SEC63: variants seen among roughly 807,000 people sequenced by gnomAD.
The protein encoded by SEC63 is SEC63 protein translocation regulator.
In SEC63, 56 loss-of-function variants were observed where a neutral mutation model predicts 116.2. The ratio of observed to expected loss-of-function variants is 0.48; its 90% CI spans 0.39 to 0.60. The LOEUF (loss-of-function observed/expected upper bound fraction) is 0.60, where lower values mean the gene tolerates loss of function less well. Ranked by LOEUF, SEC63 falls within the 20% of genes least tolerant of loss-of-function variation. The probability of loss-of-function intolerance (pLI) is 0.00; values close to 1 mark genes in which losing one functional copy is unlikely to be tolerated. For missense variants in SEC63, 668 were observed against 900.0 expected (o/e 0.74, Z 3.30); for synonymous variants, 273 against 294.6 (o/e 0.93, Z 0.75).
chr6:107,946,819 C>G (rs1037471443), intron 1 of SEC63, among the ~76,000 whole-genome samples: 2 of 152,098 alleles, frequency 1.3e-5, no homozygotes, highest in African/African-American at 4.8e-5. Flanking sequence ...GCCTGGCCAA[C>G]ATGGAAAAAC....
chr6:107,921,911 T>TGGGGG lies in SEC63; in HGVS notation c.340-3_340-2insCCCCC, dbSNP rs142388422. ...TTTAATTTCTGCTACTGTGGCTCCC[T>TGGGGG]GGGGAAAAACAAAAAAAAAAAACAA... On this transcript the variant is annotated splice_region_variant and splice_polypyrimidine_tract_variant and intron_variant, in intron 3 of 20. Transcript: ENST00000369002. 8 of 1,258,586 alleles carry TGGGGG rather than the reference T, an allele frequency of 6.4e-6. No individual in the cohort carries two copies. The highest frequency in any genetic ancestry group is 8.8e-6 in the Non-Finnish European group (8 of 905,814). 78.0% of individuals were successfully genotyped at this position (1,258,586 alleles called of 1,614,324 possible).
At chr6:107,940,338 G>C (rs887343964) in intron 1 of SEC63, among the ~76,000 whole-genome samples, 3 of 152,170 alleles carry the variant, frequency 2.0e-5, no homozygotes, top group Non-Finnish European at 4.4e-5. Context: ...GTACTTGACA[G>C]CAGCATACAA....
intron 1 of SEC63, among the ~76,000 whole-genome samples, chr6:107,952,054 C>T (rs998950862): frequency 2.6e-5 from 4 of 152,070 alleles, no homozygotes; most frequent in African/African-American, 9.6e-5. Context: ...AATCTAAGCC[C>T]TCCGTGTTAT....
chr6:107,944,575 T>G (rs1041461419), intron 1 of SEC63, among the ~76,000 whole-genome samples: 2 of 152,108 alleles, frequency 1.3e-5, no homozygotes, highest in Non-Finnish European at 2.9e-5. Flanking sequence ...TGTATGCCTG[T>G]AATCCCAAGT....
chr6:107,883,176 T>G (rs1384054695), intron 16 of SEC63, 30 bp from the exon 17 acceptor site: 1 of 1,609,122 alleles, frequency 6.2e-7, no homozygotes, highest in Non-Finnish European at 8.5e-7. Flanking sequence ...ACAAAGATTC[T>G]GCATATCTCA....
At position 107,869,129 on chromosome 6, in the gene SEC63, G is replaced by A. The variant is rs1786064989; in HGVS notation, c.*2575C>T. 1 of 152,082 alleles carries A rather than the reference G, an allele frequency of 6.6e-6. No individual in the cohort carries two copies. Among genetic ancestry groups the A allele is most frequent in the East Asian group, 1.9e-4 (1 of 5,182 alleles). 9.4% of individuals were successfully genotyped at this position (152,082 alleles called of 1,614,324 possible). The stretch of plus-strand genomic sequence containing the variant: ...GGCCTGTCCTTTTCCAGCCCTCAGT[G>A]AAAGCTGGGAGAAGCAGAGCAGAAG... On this transcript the variant is annotated 3_prime_UTR_variant, in exon 21 of 21. Coordinates refer to ENST00000369002, the MANE Select transcript of SEC63 (RefSeq NM_007214.5).
chr6:107,903,647 G>C (rs1051365191), intron 11 of SEC63, among the ~76,000 whole-genome samples: 2 of 152,180 alleles, frequency 1.3e-5, no homozygotes, highest in Admixed American at 1.3e-4. Context: ...TGAGGCTGCA[G>C]TGAGCTATGA....
chr6:107,874,172 CAT>C (rs1786197307), intron 19 of SEC63, among the ~76,000 whole-genome samples: 1 of 152,146 alleles, frequency 6.6e-6, no homozygotes, highest in Non-Finnish European at 1.5e-5. Flanking sequence ...ACATCACCAA[CAT>C]AGTTTGCTTG....
intron 12 of SEC63, among the ~76,000 whole-genome samples, chr6:107,902,214 GGACA>G (rs1411047594): frequency 1.3e-5 from 2 of 152,002 alleles, no homozygotes; most frequent in African/African-American, 4.8e-5. Context: ...GTACTTAAAA[GGACA>G]GAGAACTCTG....
intron 1 of SEC63, among the ~76,000 whole-genome samples, chr6:107,933,729 T>C (rs1787862808): frequency 7.3e-6 from 1 of 137,182 alleles, no homozygotes; most frequent in African/African-American, 3.0e-5. Context: ...CGGCCCACGG[T>C]CTCCCTCTCC....
chr6:107,919,809 A>G (rs2179346), intron 4 of SEC63, among the ~76,000 whole-genome samples: 131,095 of 150,870 alleles, frequency 0.87, 57,120 homozygotes, highest in Middle Eastern at 0.92. Context: ...GCGACAGAGC[A>G]AGACTCCATC....
chr6:107,932,758 T>C (rs2114492911), intron 1 of SEC63, among the ~76,000 whole-genome samples: 1 of 152,282 alleles, frequency 6.6e-6, no homozygotes, highest in South Asian at 2.1e-4. Flanking sequence ...TAAGTGGGCC[T>C]AGGAGCAGAA....
chr6:107,874,680 C>CT (rs1236351068), intron 19 of SEC63, among the ~76,000 whole-genome samples: 1 of 151,486 alleles, frequency 6.6e-6, no homozygotes, highest in African/African-American at 2.4e-5. Context: ...GTAAAAATCT[C>CT]TTTTTTTCTT....
chr6:107,924,513 C>T (rs1787629594), intron 3 of SEC63, among the ~76,000 whole-genome samples: 1 of 151,960 alleles, frequency 6.6e-6, no homozygotes, highest in Non-Finnish European at 1.5e-5. Flanking sequence ...TTGCAGTGAG[C>T]CGAGATCACA....
chr6:107,900,691 T>C (rs1786980778), intron 13 of SEC63, among the ~76,000 whole-genome samples: 2 of 152,148 alleles, frequency 1.3e-5, no homozygotes, highest in South Asian at 2.1e-4. Context: ...GAAACCATTA[T>C]TAATATATCC....
At chr6:107,916,311 C>T (rs1455406053) in intron 4 of SEC63, among the ~76,000 whole-genome samples, 4 of 152,184 alleles carry the variant, frequency 2.6e-5, no homozygotes, top group African/African-American at 9.7e-5. Flanking sequence ...AGGACAACTG[C>T]TACGCAGAAA....
intron 16 of SEC63, among the ~76,000 whole-genome samples, chr6:107,890,214 T>C (rs1021208062): frequency 3.9e-5 from 6 of 152,198 alleles, no homozygotes; most frequent in African/African-American, 1.2e-4. Flanking sequence ...AGCCTCTTTG[T>C]AGATCTCTAA....
rs751549007 is a variant in SEC63, at chr6:107,912,764, A to G, written c.525T>C (p.Phe175=). The G allele has an allele frequency of 5.0e-6, 8 of 1,610,918 alleles. No individual in the cohort carries two copies. The highest frequency in any genetic ancestry group is 6.8e-6 in the Non-Finnish European group (8 of 1,177,322). The change falls in exon 6 of 21, where the codon TTT becomes TTC. Residue 175 remains phenylalanine (F), a synonymous_variant. Transcript: ENST00000369002. ...CTATCCAAGCTGGCAGGGCAATTCCAAAGCTTGTGGCTGAAATAGAAAAAA... is the reference window on the plus strand; with the variant it reads ...CTATCCAAGCTGGCAGGGCAATTCCGAAGCTTGTGGCTGAAATAGAAAAAA... ...GNPDGPQATS[F]GIALPAWIVD...
rs571397896 is a variant in SEC63, at chr6:107,953,868, A to T, written c.124+4018T>A. On this transcript the variant is annotated intron_variant, in intron 1 of 20. Coordinates refer to ENST00000369002, the MANE Select transcript of SEC63 (RefSeq NM_007214.5). ...GGGGGGGTCAGCCCCCCGCCCGGCC[A>T]GCCGCCCGGTCCGGGAGGTGAGGGG... 2.1e-5 allele frequency among the ~76,000 whole-genome samples: 3 copies of T among 143,598 alleles called. No homozygotes were observed. The South Asian group carries it at 6.4e-4, about 31-fold the overall frequency. The allele number at this position is 143,598 out of a possible 152,430, so 94.2% of individuals were successfully genotyped here. A position where few individuals can be genotyped will look rare whatever the true frequency, so the allele number is the denominator to read the frequency against.
Sources: allele counts gnomAD v4.1 joint callset (sites outside exome capture counted in the v4.1 genomes callset), GRCh38; gene constraint gnomAD v4.1.1; transcripts MANE v1.5; gene names NCBI Gene and HGNC (gene_info 2026-07-23, HGNC 2026-07-21).